FDXACB1: variants seen among roughly 807,000 people sequenced by gnomAD.
FDXACB1 encodes ferredoxin-fold anticodon binding domain containing 1.
In FDXACB1, 41 loss-of-function variants were observed where a neutral mutation model predicts 51.7. That is an observed-to-expected ratio of 0.79 (90% CI 0.62 to 1.03). The LOEUF (loss-of-function observed/expected upper bound fraction) is 1.03. Among genes scored for constraint, FDXACB1 ranks in the 50% least tolerant of loss-of-function variants. The pLI, the probability that FDXACB1 is intolerant of heterozygous loss-of-function variation, is 0.00. For synonymous variants in FDXACB1, 273 were observed against 278.6 expected (o/e 0.98, Z 0.20); for missense variants, 697 against 746.4 (o/e 0.93, Z 0.77).
chr11:111,875,734 C>T lies in FDXACB1; in HGVS notation c.1063G>A (p.Val355Ile). The change falls in exon 5 of 5, where the codon GTT (valine) becomes ATT (isoleucine). Residue 355 changes from valine (V) to isoleucine (I), a missense_variant. Around this residue, in one of 3 missense-constraint regions of FDXACB1, gnomAD observed 538 missense variants for 592.2 expected, o/e 0.91. Transcript: ENST00000260257. The stretch of plus-strand genomic sequence containing the variant: ...TCTGGTACTTCGATGACATCCTGAA[C>T]ATGCACTAGGAGAGAAGGTCTAAGG... ...ICLRPSLLVH[V>I]QDVIEVPDFL... 1 of 1,613,656 alleles carries T rather than the reference C, an allele frequency of 6.2e-7. No individual in the cohort carries two copies. The highest frequency in any genetic ancestry group is 1.3e-5 in the African/African-American group (1 of 74,998).
intron 4 of FDXACB1, 69 bp from the exon 5 acceptor site, chr11:111,876,173 T>A: frequency 7.9e-7 from 1 of 1,262,388 alleles, no homozygotes; most frequent in Non-Finnish European, 1.1e-6. Flanking sequence ...TAGCTAGAAT[T>A]AAAAATACAA....
rs1566365937 is a variant in FDXACB1 at position 111,875,144 on chromosome 11, A to G, written c.1653T>C (p.Asp551=). The G allele has an allele frequency of 2.5e-6, 4 of 1,613,882 alleles. No individual in the cohort carries two copies. The highest frequency in any genetic ancestry group is 3.4e-6 in the Non-Finnish European group (4 of 1,179,896). ...GGGCCACAGTGTGAAACTCTAGTTC[A>G]TCAAATCCTTTCTTCTGATCTATCC... ...SFWIDQKKGF[D]ELEFHTVARA... Residue 551 remains aspartate (D), a synonymous_variant, in exon 5 of 5, where the codon GAT becomes GAC. Transcript: ENST00000260257.
In FDXACB1 at chr11:111,874,454, G is replaced by A. The variant is rs1964763008; in HGVS notation, c.*468C>T. 6.4e-6 allele frequency: 1 copy of A among 157,002 alleles called. No homozygotes were observed. The allele number at this position is 157,002 out of a possible 1,614,324, so 9.7% of individuals were successfully genotyped here. A position where few individuals can be genotyped will look rare whatever the true frequency, so the allele number is the denominator to read the frequency against. On this transcript the variant is annotated 3_prime_UTR_variant, in exon 5 of 5. Coordinates refer to ENST00000260257, the MANE Select transcript of FDXACB1 (RefSeq NM_138378.3). Reference sequence around the variant, plus strand: ...AGTAATAGAGTCAAGGTATCTTTAAGATCAACTAACAGTAGGCCGGGCGCG... The same window carrying A: ...AGTAATAGAGTCAAGGTATCTTTAAAATCAACTAACAGTAGGCCGGGCGCG...
intron 4 of FDXACB1, 137 bp from the exon 5 acceptor site, chr11:111,876,241 A>G: frequency 1.1e-6 from 1 of 940,574 alleles, no homozygotes; most frequent in Non-Finnish European, 1.5e-6. Flanking sequence ...CAAAGAAATC[A>G]TCTACCATAA....
At position 111,875,509 on chromosome 11, in the gene FDXACB1, T is replaced by C. The variant is rs1555161957; in HGVS notation, c.1288A>G (p.Ser430Gly). Residue 430 changes from serine (S) to glycine (G), a missense_variant, in exon 5 of 5, where the codon AGC (serine) becomes GGC (glycine). Ser to Gly is a moderately conservative substitution (Grantham distance 56, BLOSUM62 0). This residue lies in a region of FDXACB1 where 538 missense variants were observed against 592.2 expected (regional missense o/e 0.91). Transcript: ENST00000260257. The part of the protein sequence containing the change: ...DSLLTQTLPE[S>G]SKLSSLVKFV... The stretch of plus-strand genomic sequence containing the variant: ...TTGACTAAACTGCTCAGCTTAGAGC[T>C]CTCCGGCAATGTCTGGGTCAGCAGG... 1 of 1,611,390 alleles carries C rather than the reference T, an allele frequency of 6.2e-7. No individual in the cohort carries two copies. Among genetic ancestry groups the C allele is most frequent in the Non-Finnish European group, 8.5e-7 (1 of 1,179,514 alleles).
At chr11:111,878,848 G>A (rs1448534999) in intron 1 of FDXACB1, 113 bp downstream of exon 1, 3 of 1,517,416 alleles carry the variant, frequency 2.0e-6, no homozygotes, top group Non-Finnish European at 2.7e-6. Context: ...GTGAATATCC[G>A]TGGGACGATC....
chr11:111,874,929 G>C lies in FDXACB1; in HGVS notation c.1868C>G (p.Pro623Arg), dbSNP rs1964775577. The change falls in exon 5 of 5, where the codon CCT becomes CGT. Residue 623 changes from proline to arginine, a missense_variant. This residue lies in a region of FDXACB1 where 538 missense variants were observed against 592.2 expected (regional missense o/e 0.91). Transcript: ENST00000260257. Reference sequence around the variant, plus strand: ...AGAAAAGGATTTACCAAACTACCGAGGTATAACATATAGGTGTTGTTGAAT... The same window carrying C: ...AGAAAAGGATTTACCAAACTACCGACGTATAACATATAGGTGTTGTTGAAT... ...KEIQQHLYVIPR is the reference protein window; with the variant it reads ...KEIQQHLYVIRR The C allele has an allele frequency of 1.9e-6, 3 of 1,613,552 alleles. No individual in the cohort carries two copies. Among genetic ancestry groups the C allele is most frequent in the Non-Finnish European group, 2.5e-6 (3 of 1,179,556 alleles).
Position 111,876,119 on chromosome 11 carries a change from A to G in FDXACB1, c.693-15T>C. On this transcript the variant is annotated splice_polypyrimidine_tract_variant and intron_variant, in intron 4 of 4. Transcript: ENST00000260257. ...CCAGGAAACCCCTGTTTAAACACACACAAAAATAACTTTTCTAACTTAAGA... is the reference window on the plus strand; with the variant it reads ...CCAGGAAACCCCTGTTTAAACACACGCAAAAATAACTTTTCTAACTTAAGA... 6.4e-7 allele frequency: 1 copy of G among 1,557,122 alleles called. No homozygotes were observed. The highest frequency in any genetic ancestry group is 2.3e-5 in the East Asian group (1 of 44,350).
rs1555161844 is a variant in FDXACB1, at chr11:111,875,053, G to C, written c.1744C>G (p.Gln582Glu). The C allele has an allele frequency of 6.2e-7, 1 of 1,613,966 alleles. No individual in the cohort carries two copies. The highest frequency in any genetic ancestry group is 8.5e-7 in the Non-Finnish European group (1 of 1,179,882). ...FLSRFQHPKT[Q>E]QVSLCYRLTY... ...AATCTATAGCAGAGACTGACCTGTT[G>C]AGTCTTTGGATGCTGGAAACGGCTA... The change falls in exon 5 of 5, where the codon CAA becomes GAA. Residue 582 changes from glutamine to glutamate, a missense_variant. Around this residue, in one of 3 missense-constraint regions of FDXACB1, gnomAD observed 538 missense variants for 592.2 expected, o/e 0.91. Coordinates refer to ENST00000260257, the MANE Select transcript of FDXACB1 (RefSeq NM_138378.3).
In FDXACB1 at chr11:111,874,293, T is replaced by G. The variant is rs1555161716; in HGVS notation, c.*629A>C. The G allele has an allele frequency of 6.6e-6, 1 of 152,202 alleles. No individual in the cohort carries two copies. The allele number at this position is 152,202 out of a possible 1,614,324, so 9.4% of individuals were successfully genotyped here. ...ACATATTTATATTTGATGAGACACT[T>G]AAGTTCTACTGCCTGTTCAACAATA... On this transcript the variant is annotated 3_prime_UTR_variant, in exon 5 of 5. Transcript: ENST00000260257.
chr11:111,876,104 CCT>C lies in FDXACB1; in HGVS notation c.693-2_693-1del, dbSNP rs782302450. ...GACATGAAGGTGCTTCCAGGAAACC[CCT>C]GTTTAAACACACACAAAAATAACTT... is the stretch of plus-strand genomic sequence containing the variant. On this transcript the variant is annotated splice_acceptor_variant, in intron 4 of 4. Coordinates refer to ENST00000260257, the MANE Select transcript of FDXACB1 (RefSeq NM_138378.3). LOFTEE classifies it high-confidence loss of function. The C allele has an allele frequency of 1.4e-4, 224 of 1,588,772 alleles. No individual in the cohort carries two copies. In the Admixed American group the frequency reaches 3.2e-3, roughly 23 times the overall value.
rs782475124 is a variant in FDXACB1 at position 111,876,903 on chromosome 11, T to C, written c.438A>G (p.Gln146=). 9 of 1,613,196 alleles carry C rather than the reference T, an allele frequency of 5.6e-6. No homozygotes were observed. The South Asian group carries it at 9.9e-5, about 18-fold the overall frequency. The part of the protein sequence containing the change: ...KPQREWHNSW[Q]VVAMAALGGL... ...CCCCCAGGGCTGCCATGGCAACCAC[T>C]TGCCAACTGTTGTGCCATTCTCTCT... The change falls in exon 3 of 5, where the codon CAA becomes CAG. Residue 146 remains glutamine (Q), a synonymous_variant. Coordinates refer to ENST00000260257, the MANE Select transcript of FDXACB1 (RefSeq NM_138378.3).
rs1407186892 is a variant in FDXACB1 at position 111,874,695 on chromosome 11, T to C, written c.*227A>G. ...GCATGAACCTGGGAGGTGGAGCTTA[T>C]AGTGAGCTGATATCATGCCACTGCC... On this transcript the variant is annotated 3_prime_UTR_variant, in exon 5 of 5. Coordinates refer to ENST00000260257, the MANE Select transcript of FDXACB1 (RefSeq NM_138378.3). 3 of 492,278 alleles carry C rather than the reference T, an allele frequency of 6.1e-6. No individual in the cohort carries two copies. Among genetic ancestry groups the C allele is most frequent in the Non-Finnish European group, 1.1e-5 (3 of 279,172 alleles). 30.5% of individuals were successfully genotyped at this position (492,278 alleles called of 1,614,324 possible). A position where few individuals can be genotyped will look rare whatever the true frequency, so the allele number is the denominator to read the frequency against.
intron 1 of FDXACB1, 38 bp downstream of exon 1, chr11:111,878,923 C>A (rs1555162611): frequency 7.6e-6 from 12 of 1,571,408 alleles, no homozygotes; most frequent in Non-Finnish European, 1.0e-5. Flanking sequence ...GACGCGCCGG[C>A]CGCTGGGCGG....
rs373040520 is a variant in FDXACB1 at position 111,875,673 on chromosome 11, G to A, written c.1124C>T (p.Pro375Leu). Residue 375 changes from proline to leucine, a missense_variant, in exon 5 of 5, where the codon CCT (proline) becomes CTT (leucine). Pro to Leu is a moderately conservative substitution (Grantham distance 98). Around this residue, in one of 3 missense-constraint regions of FDXACB1, gnomAD observed 538 missense variants for 592.2 expected, o/e 0.91. Coordinates refer to ENST00000260257, the MANE Select transcript of FDXACB1 (RefSeq NM_138378.3). Reference protein sequence around the residue: ...LSGSLHILSGPVFQKCHILPF... With the variant: ...LSGSLHILSGLVFQKCHILPF... ...CAAAATGTGGCACTTCTGAAAGACA[G>A]GTCCACTGAGGATGTGCAGAGAACC... The A allele has an allele frequency of 6.2e-7, 1 of 1,613,342 alleles. No homozygotes were observed. Among genetic ancestry groups the A allele is most frequent in the Non-Finnish European group, 8.5e-7 (1 of 1,179,862 alleles).
intron 1 of FDXACB1, 92 bp from the exon 2 acceptor site, chr11:111,878,804 A>G (rs1964879855): frequency 1.3e-6 from 2 of 1,518,006 alleles, no homozygotes; most frequent in South Asian, 2.5e-5. Flanking sequence ...AACCGTGCAG[A>G]CCAGCCCAAG....
rs782009237 is a variant in FDXACB1, at chr11:111,878,714, T to C, written c.173-2A>G. 1.9e-6 allele frequency: 3 copies of C among 1,607,156 alleles called. No homozygotes were observed. Among genetic ancestry groups the C allele is most frequent in the East Asian group, 2.2e-5 (1 of 44,808 alleles). Reference sequence around the variant, plus strand: ...CCACACCGAAACGTACATCGATACCTGGCAAAGATAGTTTGGGGGCGCAAA... The same window carrying C: ...CCACACCGAAACGTACATCGATACCCGGCAAAGATAGTTTGGGGGCGCAAA... On this transcript the variant is annotated splice_acceptor_variant, in intron 1 of 4. Coordinates refer to ENST00000260257, the MANE Select transcript of FDXACB1 (RefSeq NM_138378.3). LOFTEE classifies it high-confidence loss of function.
At position 111,876,829 on chromosome 11, in the gene FDXACB1, C is replaced by T. The variant is rs569000920; in HGVS notation, c.512G>A (p.Gly171Glu). 1.2e-5 allele frequency: 19 copies of T among 1,613,898 alleles called. No individual in the cohort carries two copies. The African/African-American group carries it at 2.0e-4, about 17-fold the overall frequency. ...CTACCTATATCCAGTGCACTTGTACCCTGCCACAGCCTTACAGCTGAATGG... is the reference window on the plus strand; with the variant it reads ...CTACCTATATCCAGTGCACTTGTACTCTGCCACAGCCTTACAGCTGAATGG... Reference protein sequence around the residue: ...VYPFSCKAVAGYKCTGYRSQD... With the variant: ...VYPFSCKAVAEYKCTGYRSQD... Residue 171 changes from glycine (G) to glutamate (E), a missense_variant, in exon 3 of 5, where the codon GGG (glycine) becomes GAG (glutamate). Gly to Glu is a moderately conservative substitution (Grantham distance 98). Coordinates refer to ENST00000260257, the MANE Select transcript of FDXACB1 (RefSeq NM_138378.3).
Position 111,876,618 on chromosome 11 carries a change from A to C in FDXACB1, c.555T>G (p.His185Gln), listed in dbSNP as rs1566368865. ...AGATATGGTTCAAAGCACCTTCTAC[A>C]TGAAAGGACTTATCTTGACTCCTGG... ...TGYRSQDKSFHVEGALNHIFT... is the reference protein window; with the variant it reads ...TGYRSQDKSFQVEGALNHIFT... The change falls in exon 4 of 5, where the codon CAT becomes CAG. Residue 185 changes from histidine (H) to glutamine (Q), a missense_variant. By Grantham distance (24) the His-to-Gln change is conservative. This residue lies in a region of FDXACB1 where 538 missense variants were observed against 592.2 expected (regional missense o/e 0.91). Transcript: ENST00000260257. The C allele has an allele frequency of 4.3e-6, 7 of 1,613,700 alleles. No individual in the cohort carries two copies. Among genetic ancestry groups the C allele is most frequent in the Non-Finnish European group, 5.9e-6 (7 of 1,179,812 alleles).
Sources: allele counts gnomAD v4.1 joint callset, GRCh38; gene constraint gnomAD v4.1.1; regional missense constraint gnomAD v4.1.1; transcripts MANE v1.5; gene names NCBI Gene and HGNC (gene_info 2026-07-23, HGNC 2026-07-21).